The following CELF5 variants were observed in gnomAD, a reference collection of about 807,000 sequenced individuals.
The protein encoded by CELF5 is CUG-BP and ETR-3 like factor 5.
In CELF5, 6 loss-of-function variants were observed where a neutral mutation model predicts 54.9. The observed-to-expected ratio is 0.11, with a 90% CI of 0.06 to 0.22. CELF5 has a LOEUF of 0.22. CELF5 is among the 10% of genes least tolerant of loss of function. The probability of loss-of-function intolerance (pLI) is 1.00; values close to 1 mark genes in which losing one functional copy is unlikely to be tolerated. For synonymous variants in CELF5, 271 were observed against 290.9 expected, an observed-to-expected ratio of 0.93 and a Z score of 0.70; for missense variants, 401 against 678.6, an observed-to-expected ratio of 0.59 and a Z score of 4.54.
In CELF5 at chr19:3,267,989, T is replaced by G. The variant is rs375212770; in HGVS notation, c.343-5883T>G. Among the ~76,000 whole-genome samples the G allele has an allele frequency of 9.2e-5, 14 of 152,038 alleles. No homozygotes were observed. In the East Asian group the frequency reaches 1.9e-3, roughly 21 times the overall value. On this transcript the variant is annotated intron_variant, in intron 2 of 12. Coordinates refer to ENST00000292672, the MANE Select transcript of CELF5 (RefSeq NM_021938.4). The stretch of plus-strand genomic sequence containing the variant: ...TATAAAATGGGGCCCTAGAAGTAGA[T>G]TTTTGTTTTGTTTTGTTTTGCTTTT...
At chr19:3,285,878 G>A (rs1163650257) in intron 9 of CELF5, 64 bp from the exon 10 acceptor site, 4 of 624,446 alleles carry the variant, frequency 6.4e-6, no homozygotes, top group Non-Finnish European at 8.3e-6. Flanking sequence ...CCCGCCCAGC[G>A]GCCCAGGCCG....
At chr19:3,247,284 G>A (rs971687306) in intron 1 of CELF5, among the ~76,000 whole-genome samples, 11 of 151,956 alleles carry the variant, frequency 7.2e-5, no homozygotes, top group African/African-American at 2.7e-4. Context: ...CTGCCACCAC[G>A]CCCGACTAAT....
chr19:3,264,923 C>T (rs2079860370), intron 2 of CELF5, among the ~76,000 whole-genome samples: 1 of 152,026 alleles, frequency 6.6e-6, no homozygotes, highest in African/African-American at 2.4e-5. Flanking sequence ...TCATGTTAGC[C>T]AGGTTGGTCT....
chr19:3,276,445 GA>G (rs2080054592), intron 4 of CELF5, among the ~76,000 whole-genome samples: 1 of 142,952 alleles, frequency 7.0e-6, no homozygotes, highest in African/African-American at 2.6e-5. Flanking sequence ...AGGGAGGGGT[GA>G]AATACGTAGA....
Position 3,268,211 on chromosome 19 carries a change from C to G in CELF5, c.343-5661C>G, listed in dbSNP as rs2079910185. ...ATGCGGTTTTACCGTGTTGGCCAGG[C>G]TGGTCTCGAACTCCTGACCTCAGGT... On this transcript the variant is annotated intron_variant, in intron 2 of 12. Transcript: ENST00000292672. The surrounding 1 kb of genome is among the most constrained non-coding windows in gnomAD (Gnocchi z 4.4). 2.6e-5 allele frequency among the ~76,000 whole-genome samples: 4 copies of G among 152,086 alleles called. No homozygotes were observed. Among genetic ancestry groups the G allele is most frequent in the Middle Eastern group, 3.4e-3 (1 of 294 alleles).
rs561382827 is a variant in CELF5, at chr19:3,278,431, G to A, written c.603+321G>A. 2.0e-5 allele frequency among the ~76,000 whole-genome samples: 3 copies of A among 152,132 alleles called. No individual in the cohort carries two copies. In the South Asian group the frequency reaches 6.2e-4, roughly 32 times the overall value. ...CCCGAGACTGCATGCATGTGTGTGT[G>A]TGAGTGCGTGTTTGAGTGTGTCATT... On this transcript the variant is annotated intron_variant, in intron 5 of 12. Transcript: ENST00000292672. The surrounding 1 kb of genome is among the most constrained non-coding windows in gnomAD (Gnocchi z 4.5).
At chr19:3,271,209 G>A (rs1017830779) in intron 2 of CELF5, among the ~76,000 whole-genome samples, 5 of 150,444 alleles carry the variant, frequency 3.3e-5, no homozygotes, top group Admixed American at 6.6e-5. Context: ...GGTGGGGGGA[G>A]CAGGAGTCTG....
intron 2 of CELF5, among the ~76,000 whole-genome samples, chr19:3,260,358 C>G (rs1355546314): frequency 6.6e-6 from 1 of 152,168 alleles, no homozygotes; most frequent in African/African-American, 2.4e-5. Flanking sequence ...CTCAGGTGAT[C>G]CTCCCTACCT....
chr19:3,239,868 G>A (rs558279766), intron 1 of CELF5, among the ~76,000 whole-genome samples: 6 of 152,010 alleles, frequency 3.9e-5, no homozygotes, highest in South Asian at 2.1e-4. Flanking sequence ...GCTCTTTCCC[G>A]CACACACCTC....
chr19:3,272,367 CAAG>C (rs1568352505), intron 2 of CELF5, among the ~76,000 whole-genome samples: 2,026 of 145,250 alleles, frequency 0.014, 41 homozygotes, highest in African/African-American at 0.048. Flanking sequence ...GAGTCCGTCC[CAAG>C]AAAAAAAAAG....
intron 10 of CELF5, among the ~76,000 whole-genome samples, chr19:3,289,680 T>A (rs1395445985): frequency 4.1e-4 from 4 of 9,802 alleles, no homozygotes; most frequent in Non-Finnish European, 5.8e-4. Context: ...AGACTCCATC[T>A]CAAAAAAAAA....
intron 10 of CELF5, among the ~76,000 whole-genome samples, chr19:3,289,717 T>TAAAAAAAAAAAAA (rs2080311965): frequency 1.2e-5 from 1 of 84,748 alleles, no homozygotes. Context: ...AAAAAAAAAT[T>TAAAAAAAAAAAAA]AGCAACGCAT....
At chr19:3,257,214 A>G (rs529487742) in intron 2 of CELF5, among the ~76,000 whole-genome samples, 34 of 152,328 alleles carry the variant, frequency 2.2e-4, no homozygotes, top group African/African-American at 7.7e-4. Flanking sequence ...CGTTTCTGGC[A>G]GAGGGAACGG....
intron 1 of CELF5, among the ~76,000 whole-genome samples, chr19:3,236,722 C>T (rs950432897): frequency 2.6e-5 from 4 of 152,126 alleles, no homozygotes; most frequent in South Asian, 2.1e-4. Context: ...CGATGGCTCA[C>T]GCCTACAATC....
chr19:3,284,610 C>T (rs2080203270), intron 8 of CELF5, among the ~76,000 whole-genome samples: 1 of 152,052 alleles, frequency 6.6e-6, no homozygotes, highest in African/African-American at 2.4e-5. Flanking sequence ...AAGGGTCCCC[C>T]TTGGGAGGCA....
intron 2 of CELF5, among the ~76,000 whole-genome samples, chr19:3,255,213 C>T (rs1005033599): frequency 2.0e-5 from 3 of 152,074 alleles, no homozygotes; most frequent in African/African-American, 7.2e-5. Flanking sequence ...GAGACAGAGT[C>T]TCACTCTGTC....
intron 2 of CELF5, among the ~76,000 whole-genome samples, chr19:3,253,045 A>T (rs575681182): frequency 6.6e-6 from 1 of 151,910 alleles, no homozygotes; most frequent in Non-Finnish European, 1.5e-5. Context: ...TTCACTGTTC[A>T]TCTTGGACCT....
At chr19:3,256,914 G>A (rs980632134) in intron 2 of CELF5, among the ~76,000 whole-genome samples, 11 of 152,056 alleles carry the variant, frequency 7.2e-5, no homozygotes, top group African/African-American at 2.4e-4. Context: ...CGCCCAGGTT[G>A]GAGTGCAGTG....
intron 2 of CELF5, among the ~76,000 whole-genome samples, chr19:3,264,057 C>T (rs1017149543): frequency 2.6e-5 from 4 of 152,222 alleles, no homozygotes; most frequent in African/African-American, 4.8e-5. Flanking sequence ...CTAAGCCCAA[C>T]TCTTTTCTTT....
Sources: allele counts gnomAD v4.1 joint callset (sites outside exome capture counted in the v4.1 genomes callset), GRCh38; gene constraint gnomAD v4.1.1; non-coding constraint Gnocchi (gnomAD v3.1); transcripts MANE v1.5; gene names NCBI Gene and HGNC (gene_info 2026-07-23, HGNC 2026-07-21).